Variants in SCAND3 observed in about 807,000 individuals in gnomAD.
The protein encoded by SCAND3 is SCAN domain containing 3.
chr6:28,598,135 A>G, the SCAND3 span: 1 of 152,328 alleles, frequency 6.6e-6, no homozygotes, highest in East Asian at 1.9e-4. Flanking sequence ...TTCCTAGAGC[A>G]GGAGCCAGCT....
the SCAND3 span, among the ~76,000 whole-genome samples, chr6:28,608,349 C>A: frequency 6.6e-6 from 1 of 152,128 alleles, no homozygotes; most frequent in East Asian, 1.9e-4. Flanking sequence ...TTGCAACTGA[C>A]CCCCTGGCTC....
the SCAND3 span, among the ~76,000 whole-genome samples, chr6:28,582,551 T>C: frequency 1.3e-4 from 19 of 151,972 alleles, no homozygotes; most frequent in African/African-American, 4.4e-4. This position sits in a 1 kb window ranked among gnomAD's most constrained non-coding sequence, Gnocchi z 4.8. Flanking sequence ...AGTGACAGGA[T>C]TTATGGGGAA....
chr6:28,601,485 T>C, the SCAND3 span, among the ~76,000 whole-genome samples: 2 of 152,154 alleles, frequency 1.3e-5, no homozygotes, highest in Non-Finnish European at 2.9e-5. Context: ...CAACTACCTG[T>C]TTTTGTCAAT....
the SCAND3 span, among the ~76,000 whole-genome samples, chr6:28,578,070 C>A: frequency 6.6e-6 from 1 of 152,178 alleles, no homozygotes; most frequent in African/African-American, 2.4e-5. Context: ...GCCCTCTTTT[C>A]TCCTGTTGAT....
At chr6:28,576,118 G>A in the SCAND3 span, 1 of 1,568,506 alleles carries the variant, frequency 6.4e-7, no homozygotes, top group Non-Finnish European at 8.6e-7. Flanking sequence ...AGACATCATG[G>A]AAAACCACAA....
chr6:28,571,679 T>G, the SCAND3 span: 1 of 414,258 alleles, frequency 2.4e-6, no homozygotes, highest in Non-Finnish European at 4.1e-6. Flanking sequence ...AATTATATTT[T>G]AATAAATACG....
At chr6:28,589,414 G>A in the SCAND3 span, 2 of 152,034 alleles carry the variant, frequency 1.3e-5, no homozygotes, top group South Asian at 2.1e-4. Context: ...TCTGGACTTT[G>A]AATCCAGCAA....
the SCAND3 span, among the ~76,000 whole-genome samples, chr6:28,607,188 A>T: frequency 6.6e-6 from 1 of 152,096 alleles, no homozygotes. Context: ...GCGCGTGCTT[A>T]GCATGTACGA....
chr6:28,607,214 C>G, the SCAND3 span, among the ~76,000 whole-genome samples: 3 of 152,172 alleles, frequency 2.0e-5, no homozygotes, highest in Non-Finnish European at 2.9e-5. Context: ...CGGGTTCAAT[C>G]CCCGGCACCT....
chr6:28,586,649 G>A, the SCAND3 span: 1 of 1,614,026 alleles, frequency 6.2e-7, no homozygotes, highest in East Asian at 2.2e-5. This position sits in a 1 kb window ranked among gnomAD's most constrained non-coding sequence, Gnocchi z 4.4. Flanking sequence ...CCTTTACTTT[G>A]ATAATCTCCC....
chr6:28,579,289 T>G, the SCAND3 span: 1 of 1,613,696 alleles, frequency 6.2e-7, no homozygotes, highest in African/African-American at 1.3e-5. This position sits in a 1 kb window ranked among gnomAD's most constrained non-coding sequence, Gnocchi z 4.5. Flanking sequence ...TTGAAGTGGG[T>G]GTGGCTCTGG....
the SCAND3 span, chr6:28,579,433 G>C: frequency 1.2e-6 from 2 of 1,601,108 alleles, no homozygotes; most frequent in Non-Finnish European, 1.7e-6. The surrounding 1 kb of genome is among the most constrained non-coding windows in gnomAD (Gnocchi z 4.5). Flanking sequence ...TGGACAAGTA[G>C]GTGCATTTGG....
At chr6:28,575,716 A>G in the SCAND3 span, 1 of 1,614,090 alleles carries the variant, frequency 6.2e-7, no homozygotes, top group Non-Finnish European at 8.5e-7. This position sits in a 1 kb window ranked among gnomAD's most constrained non-coding sequence, Gnocchi z 4.2. Flanking sequence ...TTTCGCTTGT[A>G]ACTCTTTCTC....
the SCAND3 span, chr6:28,586,799 G>C: frequency 1.5e-6 from 2 of 1,298,286 alleles, no homozygotes; most frequent in Admixed American, 2.4e-5. This position sits in a 1 kb window ranked among gnomAD's most constrained non-coding sequence, Gnocchi z 4.4. Context: ...CTCCTTTTTT[G>C]TTCTTGGTCA....
chr6:28,595,330 CAAAAAAAAAA>C, the SCAND3 span, among the ~76,000 whole-genome samples: 134 of 37,332 alleles, frequency 3.6e-3, no homozygotes, highest in African/African-American at 0.011. Context: ...AACCCAGTCT[CAAAAAAAAAA>C]AAAAAAAAAA....
chr6:28,586,204 G>T, the SCAND3 span: 1 of 1,043,156 alleles, frequency 9.6e-7, no homozygotes, highest in Non-Finnish European at 1.4e-6. The surrounding 1 kb of genome is among the most constrained non-coding windows in gnomAD (Gnocchi z 4.4). Flanking sequence ...CCAAACCAGG[G>T]TTTCCAACCA....
the SCAND3 span, among the ~76,000 whole-genome samples, chr6:28,574,063 G>A: frequency 6.6e-6 from 1 of 152,122 alleles, no homozygotes; most frequent in Non-Finnish European, 1.5e-5. Context: ...TGTTTGACTA[G>A]TGTGTAACTG....
At chr6:28,573,528 TA>T in the SCAND3 span, 1 of 1,613,610 alleles carries the variant, frequency 6.2e-7, no homozygotes, top group Non-Finnish European at 8.5e-7. Flanking sequence ...GTTGTGAACT[TA>T]TTTCTTTATG....
At chr6:28,587,935 A>T in the SCAND3 span, 60 of 152,286 alleles carry the variant, frequency 3.9e-4, no homozygotes, top group African/African-American at 1.3e-3. Context: ...CTTTTCAAGC[A>T]GTCACTGGGT....
Sources: gnomAD v4.1 joint callset for allele counts (sites outside exome capture counted in the v4.1 genomes callset) on GRCh38, gnomAD v4.1.1 for gene constraint, Gnocchi (gnomAD v3.1) non-coding constraint, MANE v1.5 for transcripts, NCBI Gene and HGNC (gene_info 2026-07-23, HGNC 2026-07-21) for gene names.